The following FSTL4 variants were observed in gnomAD, a reference collection of about 807,000 sequenced individuals.
The protein encoded by FSTL4 is follistatin-related protein 4.
A neutral mutation model predicts 78.2 loss-of-function variants in FSTL4; 28 were observed. The observed-to-expected ratio is 0.36, with a 90% CI of 0.27 to 0.49. The LOEUF (loss-of-function observed/expected upper bound fraction) is 0.49, where lower values mean the gene tolerates loss of function less well. FSTL4 is among the 20% of genes least tolerant of loss of function. FSTL4 has a pLI of 0.98. For synonymous variants in FSTL4, 422 were observed against 440.5 expected (o/e 0.96, Z 0.53); for missense variants, 922 against 1,084.9 (o/e 0.85, Z 2.11).
chr5:133,462,803 C>T lies in FSTL4; in HGVS notation c.161-61817G>A, dbSNP rs186955369. 7.2e-5 allele frequency among the ~76,000 whole-genome samples: 11 copies of T among 152,270 alleles called. No homozygotes were observed. In the East Asian group the frequency reaches 2.1e-3, roughly 29 times the overall value. On this transcript the variant is annotated intron_variant, in intron 3 of 15. Coordinates refer to ENST00000265342, the MANE Select transcript of FSTL4 (RefSeq NM_015082.2). Reference sequence around the variant, plus strand: ...TGATGGTTCTGAGCCTGGGGCCTGCCCTATTCATGGACTTGGCAATGTGTA... The same window carrying T: ...TGATGGTTCTGAGCCTGGGGCCTGCTCTATTCATGGACTTGGCAATGTGTA...
intron 3 of FSTL4, among the ~76,000 whole-genome samples, chr5:133,431,607 C>A (rs1756940257): frequency 6.6e-6 from 1 of 152,188 alleles, no homozygotes; most frequent in African/African-American, 2.4e-5. Flanking sequence ...TATAGCCCAG[C>A]CAGCAGCTGA....
chr5:133,451,663 C>T (rs896908283), intron 3 of FSTL4, among the ~76,000 whole-genome samples: 2 of 152,204 alleles, frequency 1.3e-5, no homozygotes, highest in Non-Finnish European at 2.9e-5. Flanking sequence ...TCTGTCTGTA[C>T]TTGGGCTAAG....
At chr5:133,215,821 A>G (rs114249670) in intron 13 of FSTL4, among the ~76,000 whole-genome samples, 179 of 152,272 alleles carry the variant, frequency 1.2e-3, no homozygotes, top group African/African-American at 4.3e-3. Context: ...CCCATCTTCA[A>G]AGACAGCAAT....
the FSTL4 span, among the ~76,000 whole-genome samples, chr5:133,699,805 C>T: frequency 2.9e-4 from 39 of 134,194 alleles, no homozygotes; most frequent in African/African-American, 5.1e-4. Flanking sequence ...GGCGTGAACC[C>T]GGGAGGTGGA....
the FSTL4 span, among the ~76,000 whole-genome samples, chr5:133,617,900 G>A: frequency 1.3e-5 from 2 of 152,124 alleles, no homozygotes; most frequent in Admixed American, 1.3e-4. Context: ...GGCCTAGCAG[G>A]CATAAAGAAG....
the FSTL4 span, among the ~76,000 whole-genome samples, chr5:133,829,216 C>T: frequency 3.6e-3 from 544 of 152,206 alleles, 3 homozygotes; most frequent in African/African-American, 0.013. Flanking sequence ...ACAGCGAAAC[C>T]CTGTTTCTAC....
At chr5:133,707,332 T>A in the FSTL4 span, among the ~76,000 whole-genome samples, 4 of 152,230 alleles carry the variant, frequency 2.6e-5, no homozygotes, top group East Asian at 7.7e-4. Context: ...AGGAGGCTGA[T>A]GAGGCCCACA....
chr5:133,791,525 G>A, the FSTL4 span, among the ~76,000 whole-genome samples: 3 of 152,182 alleles, frequency 2.0e-5, no homozygotes, highest in Non-Finnish European at 2.9e-5. Flanking sequence ...GTAAACGTTT[G>A]TTGAACTAAT....
chr5:133,442,410 C>CT (rs1313999935), intron 3 of FSTL4, among the ~76,000 whole-genome samples: 1 of 152,100 alleles, frequency 6.6e-6, no homozygotes, highest in East Asian at 1.9e-4. Context: ...TAGAGCTATG[C>CT]TTGCATGGAG....
chr5:133,306,204 C>T (rs1466389424), intron 6 of FSTL4, among the ~76,000 whole-genome samples: 2 of 152,150 alleles, frequency 1.3e-5, no homozygotes, highest in Non-Finnish European at 1.5e-5. Flanking sequence ...GGAGTTGGGC[C>T]GGGTGGGGCT....
At chr5:133,607,363 T>C (rs569659460) in intron 1 of FSTL4, among the ~76,000 whole-genome samples, 2 of 152,366 alleles carry the variant, frequency 1.3e-5, no homozygotes, top group East Asian at 3.9e-4. Flanking sequence ...ACTATCTATT[T>C]GGTTAACACT....
chr5:133,566,497 C>A (rs1263608771), intron 3 of FSTL4, among the ~76,000 whole-genome samples: 1 of 152,080 alleles, frequency 6.6e-6, no homozygotes. Context: ...ATCATTCTAT[C>A]CATGTAATAA....
At chr5:133,485,896 T>C (rs1013683095) in intron 3 of FSTL4, among the ~76,000 whole-genome samples, 1 of 152,252 alleles carries the variant, frequency 6.6e-6, no homozygotes, top group East Asian at 1.9e-4. Context: ...AGTGGGCTTC[T>C]TCCAGAAAAC....
chr5:133,526,701 G>T (rs1056388926), intron 3 of FSTL4, among the ~76,000 whole-genome samples: 2 of 152,132 alleles, frequency 1.3e-5, no homozygotes, highest in Admixed American at 6.5e-5. Flanking sequence ...GGAGGCTCAT[G>T]GGGAGGCCTT....
At chr5:133,516,175 G>A (rs953148703) in intron 3 of FSTL4, among the ~76,000 whole-genome samples, 5 of 151,954 alleles carry the variant, frequency 3.3e-5, no homozygotes, top group Non-Finnish European at 2.9e-5. Context: ...AGAAGCTCAC[G>A]TACTATGTAC....
At chr5:133,609,609 C>T (rs1761048572) in intron 1 of FSTL4, among the ~76,000 whole-genome samples, 1 of 152,236 alleles carries the variant, frequency 6.6e-6, no homozygotes, top group African/African-American at 2.4e-5. Context: ...AACGTTGCAG[C>T]AAGCCCTAAT....
intron 7 of FSTL4, among the ~76,000 whole-genome samples, chr5:133,238,921 C>G (rs1192364968): frequency 1.3e-5 from 2 of 152,248 alleles, no homozygotes; most frequent in Non-Finnish European, 2.9e-5. Context: ...CCTGCCGCTG[C>G]ACTGTGGGAG....
At chr5:133,444,964 T>C (rs538221981) in intron 3 of FSTL4, among the ~76,000 whole-genome samples, 120 of 152,234 alleles carry the variant, frequency 7.9e-4, no homozygotes, top group African/African-American at 2.1e-3. Flanking sequence ...CTGACCTTGG[T>C]GCATAGCCTG....
intron 7 of FSTL4, among the ~76,000 whole-genome samples, chr5:133,239,404 G>T (rs902901817): frequency 4.6e-4 from 70 of 152,350 alleles, no homozygotes; most frequent in African/African-American, 1.6e-3. Flanking sequence ...GGATCCACTG[G>T]GTGAAGCCAG....
Sources: allele counts gnomAD v4.1 joint callset (sites outside exome capture counted in the v4.1 genomes callset), GRCh38; gene constraint gnomAD v4.1.1; transcripts MANE v1.5; gene names NCBI Gene and HGNC (gene_info 2026-07-23, HGNC 2026-07-21).